ADARB2: variants seen among roughly 807,000 people sequenced by gnomAD.
ADARB2 encodes the protein inactive double-stranded RNA-specific editase B2.
ADARB2 carries 25 observed loss-of-function variants against 62.2 expected under a neutral mutation model. The ratio of observed to expected loss-of-function variants is 0.40; its 90% CI spans 0.29 to 0.56. The LOEUF (loss-of-function observed/expected upper bound fraction) is 0.56. ADARB2 is among the 20% of genes least tolerant of loss of function. ADARB2 has a pLI of 0.43. For missense variants in ADARB2, 1,071 were observed against 1,077.4 expected, an observed-to-expected ratio of 0.99 and a Z score of 0.08; for synonymous variants, 572 against 500.8, an observed-to-expected ratio of 1.14 and a Z score of -1.90.
In ADARB2 at chr10:1,398,102, G is replaced by A. The variant is rs547176051; in HGVS notation, c.101-18942C>T. Among the ~76,000 whole-genome samples the A allele has an allele frequency of 2.8e-5, 4 of 142,710 alleles. No homozygotes were observed. In the East Asian group the frequency reaches 8.6e-4, roughly 31 times the overall value. The allele number at this position is 142,710 out of a possible 152,430, so 93.6% of individuals were successfully genotyped here. On this transcript the variant is annotated intron_variant, in intron 1 of 9. Coordinates refer to ENST00000381312, the MANE Select transcript of ADARB2 (RefSeq NM_018702.4). This position sits in a 1 kb window ranked among gnomAD's most constrained non-coding sequence, Gnocchi z 4.1. The stretch of plus-strand genomic sequence containing the variant: ...GGTCACCGCCCTCCTCTCCCCTCCC[G>A]AGTGCAGGCTTCCTGGGTCACCATC...
At chr10:1,611,781 T>C (rs1198600108) in intron 1 of ADARB2, among the ~76,000 whole-genome samples, 5 of 152,094 alleles carry the variant, frequency 3.3e-5, no homozygotes, top group Non-Finnish European at 1.5e-5. Flanking sequence ...AGCGATGAGA[T>C]TTTTTTTGTG....
At chr10:1,552,658 A>G (rs1405597688) in intron 1 of ADARB2, among the ~76,000 whole-genome samples, 1 of 151,584 alleles carries the variant, frequency 6.6e-6, no homozygotes, top group Non-Finnish European at 1.5e-5. Context: ...AGGGGCTGCC[A>G]AGGTCGGCTT....
intron 8 of ADARB2, among the ~76,000 whole-genome samples, chr10:1,196,427 T>G (rs529603668): frequency 1.6e-4 from 25 of 152,126 alleles, no homozygotes; most frequent in Non-Finnish European, 3.4e-4. Context: ...GTTGGATACA[T>G]TTAATGTATT....
chr10:1,229,244 A>G (rs574943986), intron 6 of ADARB2, among the ~76,000 whole-genome samples: 1 of 152,216 alleles, frequency 6.6e-6, no homozygotes, highest in Non-Finnish European at 1.5e-5. Flanking sequence ...CTCGAGCCAC[A>G]TGCATCCCAG....
intron 1 of ADARB2, among the ~76,000 whole-genome samples, chr10:1,500,187 C>A (rs186596655): frequency 6.6e-6 from 1 of 152,230 alleles, no homozygotes; most frequent in East Asian, 1.9e-4. Flanking sequence ...GAACCCAGCA[C>A]GGAAGTGCCC....
At chr10:1,273,934 A>C (rs1423008717) in intron 3 of ADARB2, among the ~76,000 whole-genome samples, 4 of 152,176 alleles carry the variant, frequency 2.6e-5, no homozygotes, top group Non-Finnish European at 5.9e-5. Context: ...GTGGGTTGCC[A>C]GCAGGTCTGG....
chr10:1,434,011 C>A (rs1010702117), intron 1 of ADARB2, among the ~76,000 whole-genome samples: 2 of 152,196 alleles, frequency 1.3e-5, no homozygotes, highest in Non-Finnish European at 2.9e-5. Context: ...TACTATAGAA[C>A]ACGGAGGCTA....
At chr10:1,372,796 G>A (rs1242888791) in intron 2 of ADARB2, among the ~76,000 whole-genome samples, 1 of 152,086 alleles carries the variant, frequency 6.6e-6, no homozygotes, top group East Asian at 1.9e-4. Context: ...ATTCTTGCCG[G>A]TCATAATTGC....
At chr10:1,591,654 TGC>T (rs1491100384) in intron 1 of ADARB2, among the ~76,000 whole-genome samples, 2 of 15,652 alleles carry the variant, frequency 1.3e-4, no homozygotes, top group South Asian at 6.3e-3. Flanking sequence ...CACAGAGGCG[TGC>T]ACGCACACAC....
At chr10:1,384,847 G>A (rs1832512608) in intron 1 of ADARB2, among the ~76,000 whole-genome samples, 1 of 152,192 alleles carries the variant, frequency 6.6e-6, no homozygotes, top group Admixed American at 6.5e-5. Context: ...ACATGAGAAG[G>A]AGAGACTCAG....
chr10:1,589,565 G>A (rs937031877), intron 1 of ADARB2, among the ~76,000 whole-genome samples: 1 of 152,234 alleles, frequency 6.6e-6, no homozygotes, highest in Non-Finnish European at 1.5e-5. Context: ...CAGAACCATG[G>A]GCCCCGCCTC....
intron 1 of ADARB2, among the ~76,000 whole-genome samples, chr10:1,540,526 ACGTAGTTCAGACCC>A: frequency 8.8e-6 from 1 of 113,918 alleles, no homozygotes; most frequent in Non-Finnish European, 1.8e-5. Flanking sequence ...CCCCACTCAG[ACGTAGTTCAGACCC>A]TGGATCACAG....
At chr10:1,660,282 C>A (rs1834227725) in intron 1 of ADARB2, among the ~76,000 whole-genome samples, 2 of 152,364 alleles carry the variant, frequency 1.3e-5, no homozygotes, top group African/African-American at 2.4e-5. Flanking sequence ...ACTAACAGCA[C>A]TTGGGTGTTG....
chr10:1,591,931 C>A (rs576168025), intron 1 of ADARB2, among the ~76,000 whole-genome samples: 2 of 152,196 alleles, frequency 1.3e-5, no homozygotes, highest in Non-Finnish European at 2.9e-5. Context: ...GATCGACCTC[C>A]GGCCGGCATC....
intron 7 of ADARB2, among the ~76,000 whole-genome samples, chr10:1,209,820 A>G (rs1490266350): frequency 6.6e-6 from 1 of 152,206 alleles, no homozygotes; most frequent in East Asian, 1.9e-4. Flanking sequence ...ACAGGAGGCC[A>G]GAAGCCCACA....
Position 1,737,236 on chromosome 10 carries a change from T to G in ADARB2, c.-86A>C. The G allele has an allele frequency of 6.9e-7, 1 of 1,439,614 alleles. No individual in the cohort carries two copies. The highest frequency in any genetic ancestry group is 9.6e-7 in the Non-Finnish European group (1 of 1,039,260). The allele number at this position is 1,439,614 out of a possible 1,614,324, so 89.2% of individuals were successfully genotyped here. ...TCCCGGCAGCCGCCGCCGCCGCTGCTGCGAAGCTTGAGGTTGCAAACCCGG... is the reference window on the plus strand; with the variant it reads ...TCCCGGCAGCCGCCGCCGCCGCTGCGGCGAAGCTTGAGGTTGCAAACCCGG... On this transcript the variant is annotated 5_prime_UTR_variant, in exon 1 of 10. Coordinates refer to ENST00000381312, the MANE Select transcript of ADARB2 (RefSeq NM_018702.4).
At chr10:1,520,775 C>G (rs1294029083) in intron 1 of ADARB2, among the ~76,000 whole-genome samples, 2 of 152,206 alleles carry the variant, frequency 1.3e-5, no homozygotes, top group Non-Finnish European at 2.9e-5. Flanking sequence ...TTACTTCACA[C>G]ATTTCCTGGG....
At chr10:1,734,302 T>G (rs1301059261) in intron 1 of ADARB2, among the ~76,000 whole-genome samples, 1 of 151,546 alleles carries the variant, frequency 6.6e-6, no homozygotes, top group Non-Finnish European at 1.5e-5. Flanking sequence ...AGGTGTTTTT[T>G]TTTTTTTTTT....
intron 3 of ADARB2, 144 bp downstream of exon 3, chr10:1,362,884 G>T (rs1267601171): frequency 2.4e-6 from 2 of 821,760 alleles, no homozygotes; most frequent in Non-Finnish European, 3.3e-6. Context: ...ACCTCACCAG[G>T]CCGGGAGACA....
Sources: allele counts gnomAD v4.1 joint callset (sites outside exome capture counted in the v4.1 genomes callset), GRCh38; gene constraint gnomAD v4.1.1; non-coding constraint Gnocchi (gnomAD v3.1); transcripts MANE v1.5; gene names NCBI Gene and HGNC (gene_info 2026-07-23, HGNC 2026-07-21).